Variants in KHDRBS2 observed in about 807,000 individuals in gnomAD.
The protein encoded by KHDRBS2 is KH domain-containing, RNA-binding, signal transduction-associated protein 2.
Under a neutral mutation model 44.3 loss-of-function variants are expected in KHDRBS2, and 26 were observed. That is an observed-to-expected ratio of 0.59 (90% CI 0.43 to 0.81). The LOEUF is 0.81. KHDRBS2 is among the 40% of genes least tolerant of loss of function. The pLI is 0.00. For synonymous variants in KHDRBS2, 194 were observed against 151.1 expected (o/e 1.28, Z -2.08); for missense variants, 476 against 433.1 (o/e 1.10, Z -0.88).
chr6:62,243,557 A>C (rs1469418866), intron 1 of KHDRBS2, among the ~76,000 whole-genome samples: 1 of 152,008 alleles, frequency 6.6e-6, no homozygotes, highest in Non-Finnish European at 1.5e-5. Flanking sequence ...AGTGTAAAGA[A>C]AAAGCACAGT....
intron 3 of KHDRBS2, among the ~76,000 whole-genome samples, chr6:62,013,687 GCCATGCCTTTACAGGCATC>G (rs553923641): frequency 3.9e-5 from 6 of 152,256 alleles, no homozygotes; most frequent in African/African-American, 1.2e-4. Context: ...CGCTATGTTA[GCCATGCCTTTACAGGCATC>G]CGTCCTTACA....
chr6:61,914,035 C>A (rs1470935669), intron 4 of KHDRBS2, among the ~76,000 whole-genome samples: 1 of 151,930 alleles, frequency 6.6e-6, no homozygotes, highest in Non-Finnish European at 1.5e-5. Context: ...GTGAAATAAC[C>A]AGTTTTTATC....
intron 3 of KHDRBS2, among the ~76,000 whole-genome samples, chr6:62,001,480 G>A (rs1057386296): frequency 1.3e-5 from 2 of 151,248 alleles, no homozygotes; most frequent in South Asian, 2.1e-4. Flanking sequence ...CAAAATAACA[G>A]ATACTTTTAA....
intron 4 of KHDRBS2, among the ~76,000 whole-genome samples, chr6:61,948,343 A>C: frequency 6.6e-6 from 1 of 152,142 alleles, no homozygotes; most frequent in East Asian, 1.9e-4. Flanking sequence ...AAGCTATAAT[A>C]ATTGCATTGA....
At chr6:62,082,310 G>GGTGTGT (rs142069290) in intron 2 of KHDRBS2, among the ~76,000 whole-genome samples, 62,533 of 148,948 alleles carry the variant, frequency 0.42, 13,361 homozygotes, top group East Asian at 0.47. Context: ...AATACACACT[G>GGTGTGT]GTGTGTGTGT....
intron 3 of KHDRBS2, among the ~76,000 whole-genome samples, chr6:61,990,871 A>G (rs1229126691): frequency 6.6e-6 from 1 of 151,946 alleles, no homozygotes; most frequent in Non-Finnish European, 1.5e-5. Context: ...CACCATGCCC[A>G]GTTAATTTTT....
chr6:61,718,913 C>T (rs1771889976), intron 7 of KHDRBS2, among the ~76,000 whole-genome samples: 1 of 152,162 alleles, frequency 6.6e-6, no homozygotes, highest in South Asian at 2.1e-4. Flanking sequence ...CACACTGTTT[C>T]AGCCCTGATA....
intron 6 of KHDRBS2, among the ~76,000 whole-genome samples, chr6:61,809,557 A>C (rs1420680303): frequency 6.6e-6 from 1 of 152,158 alleles, no homozygotes; most frequent in Non-Finnish European, 1.5e-5. Context: ...GCTGATGTCA[A>C]ATCAATAAAA....
chr6:61,917,347 G>A (rs1807204667), intron 4 of KHDRBS2, among the ~76,000 whole-genome samples: 1 of 151,816 alleles, frequency 6.6e-6, no homozygotes, highest in Non-Finnish European at 1.5e-5. Flanking sequence ...GTACTTAAAT[G>A]TATATTAAAA....
chr6:61,954,393 A>ACGTATGTATGCATGCATACATATG (rs1562509526), intron 4 of KHDRBS2, among the ~76,000 whole-genome samples: 1 of 143,894 alleles, frequency 6.9e-6, no homozygotes, highest in East Asian at 2.1e-4. Flanking sequence ...GCATACATAT[A>ACGTATGTATGCATGCATACATATG]TACGTATGTA....
chr6:61,920,832 C>T (rs1004526133), intron 4 of KHDRBS2, among the ~76,000 whole-genome samples: 1 of 151,748 alleles, frequency 6.6e-6, no homozygotes, highest in African/African-American at 2.4e-5. Flanking sequence ...AATACTGACT[C>T]AAGTGAAGAT....
At chr6:62,273,619 G>A (rs1476283897) in intron 1 of KHDRBS2, among the ~76,000 whole-genome samples, 5 of 151,844 alleles carry the variant, frequency 3.3e-5, no homozygotes, top group Admixed American at 6.6e-5. Context: ...CCTTTCTATT[G>A]CATTTTATAT....
At chr6:61,755,631 G>A (rs1368768744) in intron 6 of KHDRBS2, among the ~76,000 whole-genome samples, 1 of 151,810 alleles carries the variant, frequency 6.6e-6, no homozygotes, top group Non-Finnish European at 1.5e-5. Context: ...CCAACATGGT[G>A]AAACCCCATC....
intron 2 of KHDRBS2, among the ~76,000 whole-genome samples, chr6:62,132,604 CTGA>C (rs944812674): frequency 1.3e-5 from 2 of 152,296 alleles, no homozygotes; most frequent in African/African-American, 4.8e-5. Context: ...ACAAAATATA[CTGA>C]TGAGGGTTTT....
intron 7 of KHDRBS2, among the ~76,000 whole-genome samples, chr6:61,723,415 A>C (rs1773026864): frequency 6.6e-6 from 1 of 152,178 alleles, no homozygotes; most frequent in Non-Finnish European, 1.5e-5. Context: ...AGACTTCAGA[A>C]GGTACGTAAT....
At chr6:62,202,602 G>GTATT (rs1827222489) in intron 1 of KHDRBS2, among the ~76,000 whole-genome samples, 1 of 151,982 alleles carries the variant, frequency 6.6e-6, no homozygotes, top group South Asian at 2.1e-4. Context: ...CTGTTATGTG[G>GTATT]TATTCATCCT....
intron 1 of KHDRBS2, among the ~76,000 whole-genome samples, chr6:62,206,699 T>C (rs1828031973): frequency 6.6e-6 from 1 of 152,142 alleles, no homozygotes; most frequent in East Asian, 1.9e-4. Context: ...TTTATGATTC[T>C]ATATCTGTTT....
intron 4 of KHDRBS2, among the ~76,000 whole-genome samples, chr6:61,905,490 G>C (rs775212747): frequency 6.6e-6 from 1 of 152,042 alleles, no homozygotes; most frequent in African/African-American, 2.4e-5. Flanking sequence ...TATTTGATTC[G>C]AATAACCTTA....
At chr6:62,219,681 C>T (rs1212298362) in intron 1 of KHDRBS2, among the ~76,000 whole-genome samples, 1 of 150,650 alleles carries the variant, frequency 6.6e-6, no homozygotes, top group East Asian at 1.9e-4. Flanking sequence ...TAATAATGCA[C>T]TATAGTTACA....
Sources: gnomAD v4.1 joint callset for allele counts (sites outside exome capture counted in the v4.1 genomes callset) on GRCh38, gnomAD v4.1.1 for gene constraint, MANE v1.5 for transcripts, NCBI Gene and HGNC (gene_info 2026-07-23, HGNC 2026-07-21) for gene names.